INPP4A: variants seen among roughly 807,000 people sequenced by gnomAD.
INPP4A encodes inositol polyphosphate-4-phosphatase type I A, also known as inositol polyphosphate-4-phosphatase, type I, 107kD.
A neutral mutation model predicts 119.8 loss-of-function variants in INPP4A; 33 were observed. The observed-to-expected ratio is 0.28, with a 90% CI of 0.21 to 0.37. The LOEUF is 0.37. INPP4A is among the 10% of genes least tolerant of loss of function. The probability of loss-of-function intolerance (pLI) is 1.00; values close to 1 mark genes in which losing one functional copy is unlikely to be tolerated. For synonymous variants in INPP4A, 496 were observed against 500.7 expected (o/e 0.99, Z 0.12); for missense variants, 956 against 1,289.9 (o/e 0.74, Z 3.97).
In INPP4A at chr2:98,587,818, A is replaced by C; in HGVS notation, c.*210A>C. On this transcript the variant is annotated 3_prime_UTR_variant, in exon 25 of 25. Coordinates refer to ENST00000409851, the MANE Select transcript of INPP4A (RefSeq NM_001134225.2). ...ATCAATAGGAGGTAATGTTTGGCTCAATAGTGTGGATAGTAACAACTGCCT... is the reference window on the plus strand; with the variant it reads ...ATCAATAGGAGGTAATGTTTGGCTCCATAGTGTGGATAGTAACAACTGCCT... The C allele has an allele frequency of 4.3e-6, 2 of 460,066 alleles. No homozygotes were observed. Among genetic ancestry groups the C allele is most frequent in the Non-Finnish European group, 7.6e-6 (2 of 264,342 alleles). 28.5% of individuals were successfully genotyped at this position (460,066 alleles called of 1,614,324 possible).
At chr2:98,544,704 T>G (rs867690031) in intron 11 of INPP4A, among the ~76,000 whole-genome samples, 24 of 152,382 alleles carry the variant, frequency 1.6e-4, no homozygotes, top group Non-Finnish European at 2.6e-4. Flanking sequence ...ATTTTTGGAT[T>G]CTTCCCTTTG....
chr2:98,576,766 G>T (rs1005936933), intron 23 of INPP4A, among the ~76,000 whole-genome samples: 3 of 152,230 alleles, frequency 2.0e-5, no homozygotes, highest in Admixed American at 6.5e-5. Flanking sequence ...CCTACAGGCG[G>T]CAGGCCCCCA....
At chr2:98,489,052 G>A (rs1290120474) in intron 1 of INPP4A, among the ~76,000 whole-genome samples, 1 of 151,776 alleles carries the variant, frequency 6.6e-6, no homozygotes, top group Admixed American at 6.6e-5. Flanking sequence ...CCTTAGCTCT[G>A]TGGGGTGATG....
At chr2:98,581,030 C>T (rs562908876) in intron 24 of INPP4A, among the ~76,000 whole-genome samples, 3 of 152,328 alleles carry the variant, frequency 2.0e-5, no homozygotes, top group South Asian at 4.1e-4. Flanking sequence ...GGGGGCTCTG[C>T]GCTTGGTTGG....
intron 1 of INPP4A, among the ~76,000 whole-genome samples, chr2:98,469,639 C>T (rs1334192977): frequency 6.6e-6 from 1 of 151,768 alleles, no homozygotes; most frequent in Non-Finnish European, 1.5e-5. Flanking sequence ...CCTGTCTCTA[C>T]TAAAAATACA....
chr2:98,554,555 C>A lies in INPP4A; in HGVS notation c.1566+66C>A. 1.4e-6 allele frequency: 2 copies of A among 1,380,010 alleles called. No individual in the cohort carries two copies. The highest frequency in any genetic ancestry group is 1.3e-5 in the South Asian group (1 of 75,816). 85.5% of individuals were successfully genotyped at this position (1,380,010 alleles called of 1,614,324 possible). A position where few individuals can be genotyped will look rare whatever the true frequency, so the allele number is the denominator to read the frequency against. ...GGGCTGAAAACCACAAAACCTGTTG[C>A]CAGTCTCTGCCCCTCTGAAGTGCCT... On this transcript the variant is annotated intron_variant, in intron 15 of 24. Transcript: ENST00000409851. This position sits in a 1 kb window ranked among gnomAD's most constrained non-coding sequence, Gnocchi z 4.7.
chr2:98,535,936 A>G, intron 6 of INPP4A, 91 bp downstream of exon 6: 1 of 750,790 alleles, frequency 1.3e-6, no homozygotes, highest in Non-Finnish European at 2.3e-6. Context: ...GATTGACTTC[A>G]CTACTGGCTC....
intron 1 of INPP4A, among the ~76,000 whole-genome samples, chr2:98,492,179 G>A (rs892009827): frequency 6.6e-6 from 1 of 152,104 alleles, no homozygotes; most frequent in African/African-American, 2.4e-5. Flanking sequence ...GTGAGCCACC[G>A]ACAACTGCAT....
At position 98,587,734 on chromosome 2, in the gene INPP4A, TTTCAC is replaced by T; in HGVS notation, c.*128_*132del. 1 of 815,796 alleles carries T rather than the reference TTTCAC, an allele frequency of 1.2e-6. No homozygotes were observed. The highest frequency in any genetic ancestry group is 1.9e-6 in the Non-Finnish European group (1 of 535,320). 50.5% of individuals were successfully genotyped at this position (815,796 alleles called of 1,614,324 possible). ...TTTTGTGGTTTTTTTAAAAAAAACA[TTTCAC>T]TAAAGAGTCTCTGGAGCATGTTTTT... On this transcript the variant is annotated 3_prime_UTR_variant, in exon 25 of 25. Coordinates refer to ENST00000409851, the MANE Select transcript of INPP4A (RefSeq NM_001134225.2).
At chr2:98,549,111 C>A in intron 13 of INPP4A, 1 of 669,304 alleles carries the variant, frequency 1.5e-6, no homozygotes, top group Non-Finnish European at 2.5e-6. Context: ...ATAAACAGTC[C>A]TCCCTTCCAA....
At chr2:98,517,408 A>G (rs1167434257) in intron 1 of INPP4A, among the ~76,000 whole-genome samples, 1 of 152,180 alleles carries the variant, frequency 6.6e-6, no homozygotes, top group African/African-American at 2.4e-5. Flanking sequence ...GGGTAGGTGC[A>G]TGTTCAACTT....
intron 10 of INPP4A, among the ~76,000 whole-genome samples, chr2:98,543,083 C>T (rs1255652066): frequency 6.6e-6 from 1 of 152,064 alleles, no homozygotes; most frequent in Non-Finnish European, 1.5e-5. Context: ...CCACGCCCGG[C>T]TAATTTTTTG....
At chr2:98,586,527 T>C (rs1699971817) in intron 24 of INPP4A, among the ~76,000 whole-genome samples, 2 of 152,220 alleles carry the variant, frequency 1.3e-5, no homozygotes, top group Admixed American at 1.3e-4. Context: ...CTGTGGGAAG[T>C]CATTTATGTT....
At chr2:98,511,958 T>A (rs1037910823) in intron 1 of INPP4A, among the ~76,000 whole-genome samples, 16 of 152,102 alleles carry the variant, frequency 1.1e-4, no homozygotes, top group African/African-American at 3.9e-4. Context: ...AAAGTTCCGG[T>A]TGGAGGAACT....
chr2:98,565,349 T>G (rs1029764384), intron 19 of INPP4A, among the ~76,000 whole-genome samples: 7 of 152,224 alleles, frequency 4.6e-5, no homozygotes, highest in Non-Finnish European at 1.0e-4. Context: ...TTTCTGAGTT[T>G]ATGTATTTGT....
intron 1 of INPP4A, among the ~76,000 whole-genome samples, chr2:98,493,059 T>C (rs757938110): frequency 2.2e-4 from 34 of 152,204 alleles, no homozygotes; most frequent in Non-Finnish European, 4.0e-4. Context: ...GTGGACGTGG[T>C]TGGCTGGTGG....
chr2:98,458,293 A>G (rs1221849906), intron 1 of INPP4A, among the ~76,000 whole-genome samples: 1 of 152,022 alleles, frequency 6.6e-6, no homozygotes, highest in Non-Finnish European at 1.5e-5. Flanking sequence ...GCAGTGAGCT[A>G]TGATTGTACC....
intron 1 of INPP4A, among the ~76,000 whole-genome samples, chr2:98,501,565 T>C (rs965024539): frequency 2.0e-5 from 3 of 152,162 alleles, no homozygotes; most frequent in African/African-American, 7.2e-5. Flanking sequence ...CTTGATGCCC[T>C]CACTGAGGCA....
intron 13 of INPP4A, among the ~76,000 whole-genome samples, chr2:98,549,260 AG>A (rs1693050613): frequency 6.6e-6 from 1 of 152,190 alleles, no homozygotes; most frequent in South Asian, 2.1e-4. Flanking sequence ...GGCCCGACCC[AG>A]GAAGCCCCTG....
Sources: allele counts gnomAD v4.1 joint callset (sites outside exome capture counted in the v4.1 genomes callset), GRCh38; gene constraint gnomAD v4.1.1; non-coding constraint Gnocchi (gnomAD v3.1); transcripts MANE v1.5; gene names NCBI Gene and HGNC (gene_info 2026-07-23, HGNC 2026-07-21).